Variants in WDFY2 observed in about 807,000 individuals in gnomAD.
The protein encoded by WDFY2 is WD repeat and FYVE domain containing 2, also known as WD repeat and FYVE domain-containing protein 2.
In WDFY2, 36 loss-of-function variants were observed where a neutral mutation model predicts 56.4. The ratio of observed to expected loss-of-function variants is 0.64; its 90% confidence interval spans 0.49 to 0.84. WDFY2 has a LOEUF of 0.84. Among genes scored for constraint, WDFY2 ranks in the 40% least tolerant of loss-of-function variants. WDFY2 has a pLI of 0.00. For synonymous variants in WDFY2, 176 were observed against 183.7 expected (o/e 0.96, Z 0.34); for missense variants, 444 against 512.2 (o/e 0.87, Z 1.29).
chr13:51,666,675 C>G (rs942241496), intron 2 of WDFY2, among the ~76,000 whole-genome samples: 1 of 152,178 alleles, frequency 6.6e-6, no homozygotes, highest in African/African-American at 2.4e-5. Context: ...TTAACTGAAT[C>G]TCCTAACAGA....
At chr13:51,617,904 G>T (rs1419366828) in intron 1 of WDFY2, among the ~76,000 whole-genome samples, 2 of 152,130 alleles carry the variant, frequency 1.3e-5, no homozygotes, top group African/African-American at 4.8e-5. Flanking sequence ...CATATTTAAA[G>T]AAATTCATTT....
At chr13:51,632,732 A>T (rs1256588041) in intron 1 of WDFY2, among the ~76,000 whole-genome samples, 2 of 152,204 alleles carry the variant, frequency 1.3e-5, no homozygotes, top group African/African-American at 4.8e-5. Flanking sequence ...AATCTTAAAA[A>T]TTTTTAAATG....
rs149771001 is a variant in WDFY2, at chr13:51,645,070, A to G, written c.138-15526A>G. Among the ~76,000 whole-genome samples, 589 of 152,344 alleles carry G rather than the reference A, an allele frequency of 3.9e-3. 4 individuals carry two copies. The highest frequency in any genetic ancestry group is 0.013 in the African/African-American group (543 of 41,572). Reference sequence around the variant, plus strand: ...GAAATCTGATAATCATAGAGAAATCAACTTTTAAAAAATCAGCTATGTTTT... The same window carrying G: ...GAAATCTGATAATCATAGAGAAATCGACTTTTAAAAAATCAGCTATGTTTT... On this transcript the variant is annotated intron_variant, in intron 1 of 11. Transcript: ENST00000298125.
chr13:51,584,622 G>A lies in WDFY2; in HGVS notation c.-66G>A. ...TGTCTCAACCTGTGTCCGTGCTCCA[G>A]CAGTCTCCTCAGCCCGGCCCCGCGG... On this transcript the variant is annotated 5_prime_UTR_variant, in exon 1 of 12. Coordinates refer to ENST00000298125, the MANE Select transcript of WDFY2 (RefSeq NM_052950.4). The A allele has an allele frequency of 6.5e-7, 1 of 1,545,148 alleles. No homozygotes were observed. The highest frequency in any genetic ancestry group is 8.7e-7 in the Non-Finnish European group (1 of 1,151,396).
intron 3 of WDFY2, among the ~76,000 whole-genome samples, chr13:51,679,305 G>T (rs1955939232): frequency 6.6e-6 from 1 of 152,094 alleles, no homozygotes; most frequent in Non-Finnish European, 1.5e-5. Context: ...GGTGGAGAGA[G>T]ATATATATAT....
intron 1 of WDFY2, among the ~76,000 whole-genome samples, chr13:51,607,796 A>G (rs993938123): frequency 3.3e-5 from 5 of 152,178 alleles, no homozygotes; most frequent in Non-Finnish European, 7.3e-5. Flanking sequence ...CAACATGTCT[A>G]TGTCCTAGTC....
chr13:51,597,036 A>C (rs1366310124), intron 1 of WDFY2, among the ~76,000 whole-genome samples: 1 of 152,190 alleles, frequency 6.6e-6, no homozygotes, highest in Non-Finnish European at 1.5e-5. Context: ...GCTTGTCTAC[A>C]GGTAGATTAT....
chr13:51,658,776 C>G (rs1487942929), intron 1 of WDFY2, among the ~76,000 whole-genome samples: 3 of 151,946 alleles, frequency 2.0e-5, no homozygotes, highest in African/African-American at 7.3e-5. Context: ...ACCATTGTAT[C>G]TGTTCACCTC....
chr13:51,590,974 T>C (rs541179895), intron 1 of WDFY2: 4 of 152,316 alleles, frequency 2.6e-5, no homozygotes, highest in South Asian at 4.1e-4. Flanking sequence ...TGCTACTTTA[T>C]GGTCTCCTGT....
intron 3 of WDFY2, among the ~76,000 whole-genome samples, chr13:51,688,064 T>C (rs1593413658): frequency 6.6e-6 from 1 of 152,088 alleles, no homozygotes; most frequent in East Asian, 1.9e-4. Flanking sequence ...ACTAAATGTG[T>C]AGGAGAAATT....
intron 1 of WDFY2, among the ~76,000 whole-genome samples, chr13:51,640,904 A>G (rs1955142801): frequency 6.6e-6 from 1 of 151,620 alleles, no homozygotes; most frequent in Non-Finnish European, 1.5e-5. Flanking sequence ...GGATGATTAT[A>G]TCTTTGCTCA....
chr13:51,630,883 A>G (rs1204082077), intron 1 of WDFY2, among the ~76,000 whole-genome samples: 2 of 150,326 alleles, frequency 1.3e-5, no homozygotes, highest in African/African-American at 4.9e-5. Flanking sequence ...GATTTAAGCG[A>G]TTCTCCTGCC....
Position 51,675,235 on chromosome 13 carries a change from A to G in WDFY2, c.271A>G (p.Thr91Ala). The part of the protein sequence containing the change: ...RRLSIGLDNG[T>A]ISEFILSEDY... ...ACTGTCCATAGGTCTAGACAATGGT[A>G]CAATCTCAGTAAGTACACATAAATA... Residue 91 changes from threonine (T) to alanine (A), a missense_variant, in exon 3 of 12, where the codon ACA (threonine) becomes GCA (alanine). Coordinates refer to ENST00000298125, the MANE Select transcript of WDFY2 (RefSeq NM_052950.4). 6.2e-7 allele frequency: 1 copy of G among 1,613,080 alleles called. No individual in the cohort carries two copies. The highest frequency in any genetic ancestry group is 8.5e-7 in the Non-Finnish European group (1 of 1,179,052).
At chr13:51,718,635 T>C (rs1316156123) in intron 4 of WDFY2, among the ~76,000 whole-genome samples, 1 of 152,030 alleles carries the variant, frequency 6.6e-6, no homozygotes, top group African/African-American at 2.4e-5. Flanking sequence ...CTTTCTTCTA[T>C]GTGGTTCTTA....
chr13:51,618,432 C>T (rs1004350264), intron 1 of WDFY2, among the ~76,000 whole-genome samples: 2 of 152,144 alleles, frequency 1.3e-5, no homozygotes, highest in African/African-American at 4.8e-5. Context: ...TCTGTGTATC[C>T]ACAGTGGTGT....
rs74086229 is a variant in WDFY2, at chr13:51,661,525, T to C, written c.205+862T>C. On this transcript the variant is annotated intron_variant, in intron 2 of 11. Transcript: ENST00000298125. ...CTGCAGTGTACCTCATCTCTTGATATAAGTATCCCAGTCTCAGAAGCATAT... is the reference window on the plus strand; with the variant it reads ...CTGCAGTGTACCTCATCTCTTGATACAAGTATCCCAGTCTCAGAAGCATAT... Among the ~76,000 whole-genome samples, 610 of 152,316 alleles carry C rather than the reference T, an allele frequency of 4.0e-3. 5 individuals are homozygous for C. Among genetic ancestry groups the C allele is most frequent in the African/African-American group, 0.014 (579 of 41,574 alleles).
intron 1 of WDFY2, among the ~76,000 whole-genome samples, chr13:51,615,670 A>C (rs1490001356): frequency 6.6e-6 from 1 of 152,242 alleles, no homozygotes; most frequent in Non-Finnish European, 1.5e-5. Context: ...TAAATAAATT[A>C]TGTTATGACC....
chr13:51,601,612 T>TA (rs1173234099), intron 1 of WDFY2, among the ~76,000 whole-genome samples: 2 of 152,214 alleles, frequency 1.3e-5, no homozygotes, highest in East Asian at 3.9e-4. Context: ...ACGGGGGTTT[T>TA]ACCACGTAGG....
At chr13:51,635,236 C>T (rs978383433) in intron 1 of WDFY2, among the ~76,000 whole-genome samples, 1 of 152,262 alleles carries the variant, frequency 6.6e-6, no homozygotes, top group Admixed American at 6.5e-5. Flanking sequence ...AGCTACTGCA[C>T]CCCCGGCAGG....
Sources: gnomAD v4.1 joint callset for allele counts (sites outside exome capture counted in the v4.1 genomes callset) on GRCh38, gnomAD v4.1.1 for gene constraint, MANE v1.5 for transcripts, NCBI Gene and HGNC (gene_info 2026-07-23, HGNC 2026-07-21) for gene names.